Variants in NPIPB2 observed in about 807,000 individuals in gnomAD.
NPIPB2 encodes nuclear pore complex-interacting protein family member B2.
Under a neutral mutation model 30.8 loss-of-function variants are expected in NPIPB2, and 27 were observed. The ratio of observed to expected loss-of-function variants is 0.88; its 90% CI spans 0.65 to 1.21. The LOEUF (loss-of-function observed/expected upper bound fraction) is 1.21. Among genes scored for constraint, NPIPB2 ranks in the 50% most tolerant of loss-of-function variants. The pLI, the probability that NPIPB2 is intolerant of heterozygous loss-of-function variation, is 0.00. For missense variants in NPIPB2, 440 were observed against 446.2 expected, an observed-to-expected ratio of 0.99 and a Z score of 0.13; for synonymous variants, 147 against 162.0, an observed-to-expected ratio of 0.91 and a Z score of 0.70.
intron 1 of NPIPB2, among the ~76,000 whole-genome samples, chr16:11,956,822 C>T (rs891910723): frequency 3.3e-5 from 5 of 152,224 alleles, no homozygotes; most frequent in Admixed American, 1.3e-4. Flanking sequence ...GGCTCTCACT[C>T]TCCATGCTCA....
intron 1 of NPIPB2, among the ~76,000 whole-genome samples, chr16:11,950,634 G>C (rs2055053384): frequency 6.6e-6 from 1 of 152,114 alleles, no homozygotes; most frequent in Admixed American, 6.6e-5. Context: ...CCACACATCT[G>C]TTTCCAAGCC....
chr16:11,954,737 C>T (rs536106087), intron 1 of NPIPB2, among the ~76,000 whole-genome samples: 1 of 151,734 alleles, frequency 6.6e-6, no homozygotes, highest in East Asian at 1.9e-4. Flanking sequence ...GAAACCCTAT[C>T]TCTACTAAAA....
intron 1 of NPIPB2, among the ~76,000 whole-genome samples, chr16:11,966,715 A>G (rs926957953): frequency 1.3e-5 from 2 of 152,192 alleles, no homozygotes; most frequent in African/African-American, 2.4e-5. Context: ...GTCAAGATCT[A>G]TGGTCATGTT....
At chr16:11,973,417 T>C (rs1196555573) in intron 1 of NPIPB2, among the ~76,000 whole-genome samples, 2 of 152,138 alleles carry the variant, frequency 1.3e-5, no homozygotes, top group African/African-American at 2.4e-5. Flanking sequence ...AGGGGAAAAC[T>C]TCCTCTTAGT....
chr16:11,966,419 G>GCGTTGA, intron 1 of NPIPB2: 1 of 1,448,928 alleles, frequency 6.9e-7, no homozygotes. Flanking sequence ...TCTTTTTTTA[G>GCGTTGA]CGTTGACTAT....
chr16:11,951,633 C>T (rs1469113305), intron 1 of NPIPB2, among the ~76,000 whole-genome samples: 1 of 134,646 alleles, frequency 7.4e-6, no homozygotes, highest in Non-Finnish European at 1.7e-5. Flanking sequence ...CATACACACA[C>T]ACACACACAC....
upstream of NPIPB2, chr16:11,942,146 A>C: frequency 2.0e-6 from 3 of 1,529,740 alleles, no homozygotes; most frequent in Non-Finnish European, 2.6e-6. Flanking sequence ...ACGTACATTC[A>C]TTTTAAGCAT....
Position 11,941,661 on chromosome 16 carries a change from C to T in NPIPB2, c.63+322G>A, listed in dbSNP as rs558638494. ...TTCGGTCTGGGCCCTCCCTTACCAACCCTGGGGCTTTATACTCCCTCTCCA... is the reference window on the plus strand; with the variant it reads ...TTCGGTCTGGGCCCTCCCTTACCAATCCTGGGGCTTTATACTCCCTCTCCA... On this transcript the variant is annotated intron_variant, in intron 1 of 7. Coordinates refer to ENST00000399147, the Ensembl canonical transcript of NPIPB2. Among the ~76,000 whole-genome samples the T allele has an allele frequency of 5.5e-3, 837 of 151,776 alleles. 5 individuals carry two copies. The highest frequency in any genetic ancestry group is 9.4e-3 in the Non-Finnish European group (637 of 67,978).
upstream of NPIPB2, among the ~76,000 whole-genome samples, chr16:11,946,479 G>T (rs1030863599): frequency 1.3e-5 from 2 of 151,834 alleles, no homozygotes; most frequent in South Asian, 2.1e-4. Context: ...AGGCTGAGGT[G>T]GGGGGATAGT....
chr16:11,962,496 C>A (rs2055160877), intron 1 of NPIPB2, among the ~76,000 whole-genome samples: 1 of 150,970 alleles, frequency 6.6e-6, no homozygotes, highest in Non-Finnish European at 1.5e-5. Context: ...CCTGTAGTCC[C>A]AGCTACTCTG....
At chr16:11,933,524 T>C (rs1487980213) in exon 4 of NPIPB2, 2 of 1,597,012 alleles carry the variant, frequency 1.3e-6, no homozygotes, top group Admixed American at 3.3e-5. Context: ...TACTGTTTTT[T>C]GGCGGTCTTC....
intron 1 of NPIPB2, chr16:11,965,455 G>A: frequency 1.2e-6 from 2 of 1,613,856 alleles, no homozygotes; most frequent in South Asian, 1.1e-5. Flanking sequence ...TGTAATGCAA[G>A]TAAGTAATAT....
At chr16:11,965,262 A>C in intron 1 of NPIPB2, 229 of 1,561,802 alleles carry the variant, frequency 1.5e-4, no homozygotes, top group Non-Finnish European at 1.9e-4. Flanking sequence ...GAATTCTTGT[A>C]GAGATATTAC....
Position 11,962,507 on chromosome 16 carries a change from G to C in NPIPB2, c.-584+14061C>G, listed in dbSNP as rs2055160945. 2.0e-5 allele frequency among the ~76,000 whole-genome samples: 3 copies of C among 151,288 alleles called. No homozygotes were observed. The South Asian group carries it at 6.3e-4, about 32-fold the overall frequency. On this transcript the variant is annotated intron_variant, in intron 1 of 5. Coordinates refer to the NPIPB2 transcript ENST00000538896. ...GGTGCCTGTAGTCCCAGCTACTCTG[G>C]AGGCTGAGGCAGGAGAATGGCATGA...
At chr16:11,941,692 C>G (rs2054943031) in intron 1 of NPIPB2, 2 of 684,474 alleles carry the variant, frequency 2.9e-6, no homozygotes, top group East Asian at 2.7e-5. Context: ...CTCCACCAAT[C>G]CCTGATGACC....
At chr16:11,933,882 C>A in exon 3 of NPIPB2, 1 of 1,564,178 alleles carries the variant, frequency 6.4e-7, no homozygotes, top group South Asian at 1.1e-5. Flanking sequence ...GTGGATACAT[C>A]ATGTCCATTT....
chr16:11,941,658 C>G (rs2054942542), intron 1 of NPIPB2, among the ~76,000 whole-genome samples: 1 of 151,626 alleles, frequency 6.6e-6, no homozygotes, highest in Admixed American at 6.6e-5. Context: ...CCTCCCTTAC[C>G]AACCCTGGGG....
At chr16:11,945,303 G>T (rs2054994546), upstream of NPIPB2, among the ~76,000 whole-genome samples, 2 of 152,082 alleles carry the variant, frequency 1.3e-5, no homozygotes, top group African/African-American at 4.8e-5. Flanking sequence ...ATCCCTTGAG[G>T]CCAGGAGTTC....
chr16:11,945,481 C>A (rs1051014970), upstream of NPIPB2, among the ~76,000 whole-genome samples: 11 of 152,018 alleles, frequency 7.2e-5, no homozygotes, highest in African/African-American at 2.4e-4. Context: ...TGAGACCAGG[C>A]TGACCACGAA....
Sources: allele counts gnomAD v4.1 joint callset (sites outside exome capture counted in the v4.1 genomes callset), GRCh38; gene constraint gnomAD v4.1.1; transcripts MANE v1.5; gene names NCBI Gene and HGNC (gene_info 2026-07-23, HGNC 2026-07-21).